The following XRRA1 variants were observed in gnomAD, a reference collection of about 807,000 sequenced individuals.
The protein encoded by XRRA1 is X-ray radiation resistance-associated protein 1.
A neutral mutation model predicts 80.2 loss-of-function variants in XRRA1; 69 were observed. The ratio of observed to expected loss-of-function variants is 0.86; its 90% CI spans 0.71 to 1.05. XRRA1 has a LOEUF of 1.05. Ranked by LOEUF, XRRA1 falls within the 50% of genes least tolerant of loss-of-function variation. XRRA1 has a pLI of 0.00. For synonymous variants in XRRA1, 348 were observed against 389.9 expected, an observed-to-expected ratio of 0.89 and a Z score of 1.27; for missense variants, 967 against 976.4, an observed-to-expected ratio of 0.99 and a Z score of 0.13.
chr11:74,885,161 G>A (rs2048713658), intron 10 of XRRA1, among the ~76,000 whole-genome samples: 1 of 152,264 alleles, frequency 6.6e-6, no homozygotes, highest in African/African-American at 2.4e-5. Context: ...CTACTTGGGA[G>A]GCTGAGGTGG....
chr11:74,883,703 C>T (rs866031025), intron 10 of XRRA1, among the ~76,000 whole-genome samples: 8 of 152,304 alleles, frequency 5.3e-5, no homozygotes, highest in African/African-American at 1.7e-4. Flanking sequence ...GGAGCCTTAG[C>T]TGCTGTTCCC....
At chr11:74,929,257 G>A (rs1942965518) in intron 6 of XRRA1, among the ~76,000 whole-genome samples, 1 of 151,856 alleles carries the variant, frequency 6.6e-6, no homozygotes, top group Admixed American at 6.6e-5. Flanking sequence ...CAACTACCAA[G>A]TCCTGTGGTT....
chr11:74,851,110 A>C lies in XRRA1; in HGVS notation c.1358T>G (p.Met453Arg), dbSNP rs1466857660. 1 of 1,611,994 alleles carries C rather than the reference A, an allele frequency of 6.2e-7. No individual in the cohort carries two copies. Among genetic ancestry groups the C allele is most frequent in the African/African-American group, 1.3e-5 (1 of 74,816 alleles). The change falls in exon 14 of 19, where the codon ATG becomes AGG. Residue 453 changes from methionine to arginine, a missense_variant. By Grantham distance (91) the Met-to-Arg change is moderately conservative. Transcript: ENST00000684022. Reference protein sequence around the residue: ...KIVKPKHHVLMSRKESWKVKS... With the variant: ...KIVKPKHHVLRSRKESWKVKS... ...TACCTTCCATGATTCCTTCCGAGAC[A>C]TCAAAACATGATGCTTAGGCTTTAC... is the stretch of plus-strand genomic sequence containing the variant.
intron 10 of XRRA1, among the ~76,000 whole-genome samples, chr11:74,885,188 T>C (rs954852224): frequency 3.9e-5 from 6 of 152,076 alleles, no homozygotes; most frequent in African/African-American, 1.4e-4. Flanking sequence ...TGCTTGAGTA[T>C]GGGAGGTTGA....
At chr11:74,948,710 A>C (rs1948164420) in intron 1 of XRRA1, among the ~76,000 whole-genome samples, 1 of 152,174 alleles carries the variant, frequency 6.6e-6, no homozygotes, top group South Asian at 2.1e-4. Context: ...TGCACATAGG[A>C]TACTGCCTGG....
At chr11:74,858,365 C>G (rs1376964097) in intron 12 of XRRA1, among the ~76,000 whole-genome samples, 4 of 152,166 alleles carry the variant, frequency 2.6e-5, no homozygotes, top group African/African-American at 4.8e-5. Flanking sequence ...GAAGCCGATG[C>G]CTGTCTCACA....
chr11:74,912,746 T>C (rs1348666211), intron 8 of XRRA1, among the ~76,000 whole-genome samples: 1 of 152,330 alleles, frequency 6.6e-6, no homozygotes, highest in East Asian at 1.9e-4. Context: ...TCAGTTCCTA[T>C]TTACATTTAA....
Position 74,844,249 on chromosome 11 carries a change from C to CA in XRRA1, c.1961dup (p.Met654IlefsTer41), listed in dbSNP as rs1196251637. ...AGTGGCACAGGAGTGGGTGCTTCAG[C>CA]ATTTGTTGCAGGGCTTGTGCATTCT... On this transcript the variant is annotated frameshift_variant, in exon 17 of 19. Transcript: ENST00000684022. LOFTEE classifies it high-confidence loss of function. 1 of 1,613,542 alleles carries CA rather than the reference C, an allele frequency of 6.2e-7. No individual in the cohort carries two copies. Among genetic ancestry groups the CA allele is most frequent in the Middle Eastern group, 1.7e-4 (1 of 5,782 alleles).
chr11:74,881,710 C>CA (rs1173895714), intron 10 of XRRA1, among the ~76,000 whole-genome samples: 2 of 152,014 alleles, frequency 1.3e-5, no homozygotes, highest in Non-Finnish European at 2.9e-5. Context: ...CTGGTGGTGA[C>CA]AAAATCTCTC....
chr11:74,843,727 A>C (rs568048162), intron 18 of XRRA1, 127 bp downstream of exon 18: 2 of 895,588 alleles, frequency 2.2e-6, no homozygotes, highest in Non-Finnish European at 3.5e-6. Flanking sequence ...GTCCATCTAC[A>C]TGTAGAGACT....
intron 10 of XRRA1, among the ~76,000 whole-genome samples, chr11:74,869,340 T>C (rs1480105113): frequency 6.6e-6 from 1 of 152,152 alleles, no homozygotes; most frequent in Non-Finnish European, 1.5e-5. Context: ...AGAAAGAAAT[T>C]ATTTAGGCAG....
intron 10 of XRRA1, among the ~76,000 whole-genome samples, chr11:74,885,998 TG>T (rs1282538686): frequency 1.4e-4 from 21 of 152,244 alleles, no homozygotes; most frequent in African/African-American, 5.1e-4. Flanking sequence ...AAAATGCTTT[TG>T]ATAAAATTCA....
intron 10 of XRRA1, among the ~76,000 whole-genome samples, chr11:74,893,592 GAAAA>G (rs1276201220): frequency 1.4e-5 from 2 of 141,494 alleles, no homozygotes; most frequent in South Asian, 2.2e-4. Context: ...GACTTCAAAA[GAAAA>G]AAAAAAGGAG....
At chr11:74,845,301 GTCAC>G (rs2037777040) in intron 15 of XRRA1, 30 bp from the exon 16 acceptor site, 10 of 1,579,390 alleles carry the variant, frequency 6.3e-6, no homozygotes, top group Non-Finnish European at 8.6e-6. Flanking sequence ...GCATTCATTT[GTCAC>G]TCATTCATTC....
chr11:74,854,492 G>A (rs1291586260), intron 12 of XRRA1, among the ~76,000 whole-genome samples: 1 of 152,202 alleles, frequency 6.6e-6, no homozygotes, highest in Non-Finnish European at 1.5e-5. Flanking sequence ...ATCAGCCATA[G>A]ACAATTCATA....
At chr11:74,895,404 C>T (rs1319105485) in intron 10 of XRRA1, among the ~76,000 whole-genome samples, 1 of 152,244 alleles carries the variant, frequency 6.6e-6, no homozygotes, top group Non-Finnish European at 1.5e-5. Context: ...AATCACCCAT[C>T]TCAGCTGTTG....
intron 2 of XRRA1, among the ~76,000 whole-genome samples, chr11:74,943,548 T>TGTGTGTGTGTGC (rs1946831776): frequency 6.6e-6 from 1 of 150,834 alleles, no homozygotes; most frequent in African/African-American, 2.5e-5. Context: ...TGTGTGTGTG[T>TGTGTGTGTGTGC]GTGTGTGTGT....
chr11:74,911,136 C>G (rs2055789742), intron 8 of XRRA1: 1 of 152,138 alleles, frequency 6.6e-6, no homozygotes, highest in South Asian at 2.1e-4. Context: ...CTGGGGAGCA[C>G]CAACGTTTAA....
At chr11:74,874,692 T>TCC (rs1489025663) in intron 10 of XRRA1, among the ~76,000 whole-genome samples, 9 of 152,084 alleles carry the variant, frequency 5.9e-5, no homozygotes, top group African/African-American at 2.2e-4. Context: ...ATTAGAAGGG[T>TCC]CTACAATCCA....
Sources: allele counts gnomAD v4.1 joint callset (sites outside exome capture counted in the v4.1 genomes callset), GRCh38; gene constraint gnomAD v4.1.1; transcripts MANE v1.5; gene names NCBI Gene and HGNC (gene_info 2026-07-23, HGNC 2026-07-21).